The following RNLS variants were observed in gnomAD, a reference collection of about 807,000 sequenced individuals.
RNLS encodes the protein renalase.
A neutral mutation model predicts 39.8 loss-of-function variants in RNLS; 39 were observed. That is an observed-to-expected ratio of 0.98 (90% CI 0.76 to 1.28). The LOEUF is 1.28. RNLS is among the 50% of genes most tolerant of loss of function. The probability of loss-of-function intolerance (pLI) is 0.00; values close to 1 mark genes in which losing one functional copy is unlikely to be tolerated. For missense variants in RNLS, 410 were observed against 413.3 expected (o/e 0.99, Z 0.07); for synonymous variants, 147 against 150.7 (o/e 0.98, Z 0.18).
chr10:88,284,869 A>T lies in RNLS; in HGVS notation c.*485T>A. The T allele has an allele frequency of 1.0e-6, 1 of 985,556 alleles. No individual in the cohort carries two copies. Among genetic ancestry groups the T allele is most frequent in the Non-Finnish European group, 1.2e-6 (1 of 830,030 alleles). The allele number at this position is 985,556 out of a possible 1,614,324, so 61.1% of individuals were successfully genotyped here. A position where few individuals can be genotyped will look rare whatever the true frequency, so the allele number is the denominator to read the frequency against. On this transcript the variant is annotated 3_prime_UTR_variant, in exon 7 of 7. Coordinates refer to ENST00000331772, the MANE Select transcript of RNLS (RefSeq NM_001031709.3). ...TAACTTGGGGGATAAATGAGAAATA[A>T]GAATTACACTCTGTTACCTACATTT...
Position 88,314,608 on chromosome 10 carries a change from T to G in RNLS, c.734A>C (p.His245Pro). Residue 245 changes from histidine to proline, a missense_variant, in exon 6 of 7, where the codon CAC (histidine) becomes CCC (proline). By Grantham distance (77) the His-to-Pro change is moderately conservative. Coordinates refer to ENST00000331772, the MANE Select transcript of RNLS (RefSeq NM_001031709.3). ...SSEIGPSLVIHTTVPFGVTYL... is the reference protein window; with the variant it reads ...SSEIGPSLVIPTTVPFGVTYL... ...TGTAACTCCAAATGGGACAGTGGTGTGAATCACGAGGGAAGGCCCAATTTC... is the reference window on the plus strand; with the variant it reads ...TGTAACTCCAAATGGGACAGTGGTGGGAATCACGAGGGAAGGCCCAATTTC... 3.7e-6 allele frequency: 6 copies of G among 1,613,538 alleles called. No individual in the cohort carries two copies. Among genetic ancestry groups the G allele is most frequent in the Non-Finnish European group, 5.1e-6 (6 of 1,179,686 alleles).
intron 4 of RNLS, among the ~76,000 whole-genome samples, chr10:88,542,662 G>C (rs1848108273): frequency 6.6e-6 from 1 of 152,164 alleles, no homozygotes; most frequent in Non-Finnish European, 1.5e-5. Flanking sequence ...AGCACTGCAT[G>C]ATCTTCTGCA....
chr10:88,545,023 G>A (rs2134302702), intron 4 of RNLS, among the ~76,000 whole-genome samples: 1 of 152,206 alleles, frequency 6.6e-6, no homozygotes, highest in African/African-American at 2.4e-5. Context: ...ATACACTCCA[G>A]GGTGTGTTAT....
At chr10:88,260,130 G>A in the RNLS span, among the ~76,000 whole-genome samples, 1 of 152,162 alleles carries the variant, frequency 6.6e-6, no homozygotes. Context: ...GGGCTCCCAA[G>A]AGAACACAAT....
chr10:88,309,259 G>T, intron 6 of RNLS: 1 of 233,806 alleles, frequency 4.3e-6, no homozygotes, highest in Non-Finnish European at 7.0e-6. Context: ...ACCTGCACGC[G>T]TACCCCTGAA....
chr10:88,341,058 C>CAAA (rs58277887), intron 5 of RNLS, among the ~76,000 whole-genome samples: 13,219 of 127,194 alleles, frequency 0.1, 661 homozygotes, highest in East Asian at 0.25. Flanking sequence ...GATTCTGTCT[C>CAAA]AAAAAAAAAA....
At chr10:88,580,646 G>C (rs956137041) in intron 3 of RNLS, among the ~76,000 whole-genome samples, 2 of 151,790 alleles carry the variant, frequency 1.3e-5, no homozygotes, top group South Asian at 4.2e-4. Context: ...AATATATAAG[G>C]AACAAATGAA....
chr10:88,521,064 A>C (rs1355578576), intron 4 of RNLS, among the ~76,000 whole-genome samples: 1 of 151,996 alleles, frequency 6.6e-6, no homozygotes, highest in African/African-American at 2.4e-5. Flanking sequence ...TTCTGGTTCG[A>C]ATCTTAATCC....
chr10:88,476,631 C>G (rs1476464444), intron 4 of RNLS, among the ~76,000 whole-genome samples: 1 of 152,128 alleles, frequency 6.6e-6, no homozygotes, highest in East Asian at 1.9e-4. Context: ...TATTTCAAAG[C>G]AGAAGTCAGG....
At chr10:88,339,684 G>A (rs1847790410) in intron 5 of RNLS, among the ~76,000 whole-genome samples, 1 of 152,164 alleles carries the variant, frequency 6.6e-6, no homozygotes. Flanking sequence ...TAAAGATTGA[G>A]CAATGTTGTT....
At chr10:88,458,753 A>C (rs956836592) in intron 4 of RNLS, among the ~76,000 whole-genome samples, 38 of 152,172 alleles carry the variant, frequency 2.5e-4, no homozygotes, top group South Asian at 8.3e-4. Flanking sequence ...AGGAAAAAAA[A>C]CCCATGATAA....
chr10:88,481,592 T>A (rs540205638), intron 4 of RNLS, among the ~76,000 whole-genome samples: 1 of 152,242 alleles, frequency 6.6e-6, no homozygotes, highest in South Asian at 2.1e-4. Context: ...TGTAGCTCCA[T>A]CCTCTCCCCA....
At chr10:88,243,795 G>A in the RNLS span, among the ~76,000 whole-genome samples, 38 of 152,292 alleles carry the variant, frequency 2.5e-4, no homozygotes, top group Middle Eastern at 3.4e-3. Context: ...TGTGTTCTCT[G>A]CCTCCACCTG....
At chr10:88,503,258 G>A (rs568118430) in intron 4 of RNLS, among the ~76,000 whole-genome samples, 1 of 152,296 alleles carries the variant, frequency 6.6e-6, no homozygotes, top group Non-Finnish European at 1.5e-5. Context: ...GCACATGCCT[G>A]TAATCCCAGC....
the RNLS span, among the ~76,000 whole-genome samples, chr10:88,186,209 G>C: frequency 5.3e-5 from 8 of 152,172 alleles, no homozygotes; most frequent in Non-Finnish European, 1.0e-4. Context: ...TTAAATAAGG[G>C]ATTCTGGCGC....
intron 4 of RNLS, among the ~76,000 whole-genome samples, chr10:88,381,772 TAG>T (rs1228632192): frequency 6.6e-6 from 1 of 151,576 alleles, no homozygotes; most frequent in African/African-American, 2.4e-5. Flanking sequence ...ACTTTATACT[TAG>T]TTACCTAGAA....
intron 4 of RNLS, among the ~76,000 whole-genome samples, chr10:88,431,904 T>C (rs1855152336): frequency 6.6e-6 from 1 of 151,760 alleles, no homozygotes; most frequent in Non-Finnish European, 1.5e-5. Context: ...TAATGGTAAA[T>C]TTTTCATGTA....
At chr10:88,386,530 T>A (rs942884383) in intron 4 of RNLS, among the ~76,000 whole-genome samples, 2 of 152,246 alleles carry the variant, frequency 1.3e-5, no homozygotes, top group Non-Finnish European at 2.9e-5. Flanking sequence ...GAGAAAGGCA[T>A]AACTTGTTAG....
chr10:88,383,548 T>A (rs1165209142), intron 4 of RNLS, among the ~76,000 whole-genome samples: 1 of 152,174 alleles, frequency 6.6e-6, no homozygotes, highest in East Asian at 1.9e-4. Context: ...CAGATATATC[T>A]TTTGAGTTCA....
Sources: allele counts gnomAD v4.1 joint callset (sites outside exome capture counted in the v4.1 genomes callset), GRCh38; gene constraint gnomAD v4.1.1; transcripts MANE v1.5; gene names NCBI Gene and HGNC (gene_info 2026-07-23, HGNC 2026-07-21).